Variants in SPATA13 observed in about 807,000 individuals in gnomAD.
SPATA13 encodes spermatogenesis-associated protein 13.
Under a neutral mutation model 104.0 loss-of-function variants are expected in SPATA13, and 50 were observed. The ratio of observed to expected loss-of-function variants is 0.48; its 90% CI spans 0.38 to 0.61. The LOEUF is 0.61. Ranked by LOEUF, SPATA13 falls within the 20% of genes least tolerant of loss-of-function variation. SPATA13 has a pLI of 0.00. For missense variants in SPATA13, 1,524 were observed against 1,690.6 expected, an observed-to-expected ratio of 0.90 and a Z score of 1.73; for synonymous variants, 606 against 667.5, an observed-to-expected ratio of 0.91 and a Z score of 1.42.
intron 1 of SPATA13, among the ~76,000 whole-genome samples, chr13:24,219,651 A>G (rs1029218715): frequency 6.6e-6 from 1 of 152,230 alleles, no homozygotes; most frequent in Non-Finnish European, 1.5e-5. Flanking sequence ...ATTTTGGTAA[A>G]AACAATTTGA....
At chr13:24,271,171 A>T (rs975205920) in intron 4 of SPATA13, among the ~76,000 whole-genome samples, 1 of 151,980 alleles carries the variant, frequency 6.6e-6, no homozygotes, top group African/African-American at 2.4e-5. Flanking sequence ...AGTTGAAGAA[A>T]TTGGTTTTGT....
At chr13:24,287,169 G>C (rs1157264793) in intron 7 of SPATA13, among the ~76,000 whole-genome samples, 1 of 152,036 alleles carries the variant, frequency 6.6e-6, no homozygotes, top group Non-Finnish European at 1.5e-5. Context: ...CAGAGACAAG[G>C]CTTTTCTTAG....
intron 1 of SPATA13, among the ~76,000 whole-genome samples, chr13:24,200,957 T>C (rs1297083983): frequency 6.6e-6 from 1 of 152,086 alleles, no homozygotes; most frequent in African/African-American, 2.4e-5. Context: ...TTCTTTTTTT[T>C]CCCCCTCACA....
At chr13:24,206,685 A>C (rs1427052046) in intron 1 of SPATA13, among the ~76,000 whole-genome samples, 2 of 152,196 alleles carry the variant, frequency 1.3e-5, no homozygotes, top group Non-Finnish European at 2.9e-5. Context: ...TGAGGTCAGG[A>C]GTTCAAGACC....
intron 3 of SPATA13, among the ~76,000 whole-genome samples, chr13:24,065,002 A>G (rs1878900719): frequency 1.2e-5 from 1 of 80,542 alleles, no homozygotes; most frequent in African/African-American, 3.8e-5. Context: ...AGGAGCCAGG[A>G]TAATGAAATG....
rs763390660 is a variant in SPATA13 at position 24,297,617 on chromosome 13, C to T, written c.3465C>T (p.Leu1155=). Residue 1155 remains leucine (L), a synonymous_variant, in exon 11 of 13, where the codon CTC becomes CTT. Coordinates refer to ENST00000382108, the MANE Select transcript of SPATA13 (RefSeq NM_001166271.3). The stretch of plus-strand genomic sequence containing the variant: ...TCAGCGTGAAAAATGCCTTCAAGCT[C>T]GTCAGTAGGACCACAGACGAGGTTT... The part of the protein sequence containing the change: ...CNLSVKNAFK[L]VSRTTDEVYL... 3.3e-5 allele frequency: 54 copies of T among 1,614,032 alleles called. No individual in the cohort carries two copies. Among genetic ancestry groups the T allele is most frequent in the East Asian group, 4.5e-5 (2 of 44,894 alleles).
intron 3 of SPATA13, among the ~76,000 whole-genome samples, chr13:24,021,747 T>C (rs969461773): frequency 1.3e-5 from 2 of 151,918 alleles, no homozygotes; most frequent in African/African-American, 4.8e-5. Context: ...AGTCTCACTC[T>C]GTCGCCCAGG....
rs535959930 is a variant in SPATA13 at position 24,099,422 on chromosome 13, G to A, written c.-112+81721G>A. 1.9e-3 allele frequency among the ~76,000 whole-genome samples: 284 copies of A among 152,342 alleles called. 1 individual carries two copies. The highest frequency in any genetic ancestry group is 6.4e-3 in the African/African-American group (267 of 41,574). ...ATCAAATAAAAATGTTAGTTCCTCAGTCTCAGTGGCCACATTCCAAGTCGT... is the reference window on the plus strand; with the variant it reads ...ATCAAATAAAAATGTTAGTTCCTCAATCTCAGTGGCCACATTCCAAGTCGT... On this transcript the variant is annotated intron_variant, in intron 3 of 14. Transcript: ENST00000424834.
intron 2 of SPATA13, among the ~76,000 whole-genome samples, chr13:23,994,535 G>A (rs1224622398): frequency 1.3e-5 from 2 of 152,200 alleles, no homozygotes; most frequent in Non-Finnish European, 2.9e-5. Context: ...TGCCTTTCAG[G>A]CCCTGGATGC....
rs1419748894 is a variant in SPATA13, at chr13:24,161,546, G to C, written c.-112+614G>C. On this transcript the variant is annotated intron_variant, in intron 1 of 12. Transcript: ENST00000382108. The surrounding 1 kb of genome is among the most constrained non-coding windows in gnomAD (Gnocchi z 4.5). ...TGGTTTGGTCCCATTCTGTGCAGGAGGTGGGGGAATTGGTACTCCAGCCCC... is the reference window on the plus strand; with the variant it reads ...TGGTTTGGTCCCATTCTGTGCAGGACGTGGGGGAATTGGTACTCCAGCCCC... Among the ~76,000 whole-genome samples the C allele has an allele frequency of 2.0e-5, 3 of 152,196 alleles. No individual in the cohort carries two copies. The highest frequency in any genetic ancestry group is 7.2e-5 in the African/African-American group (3 of 41,450).
intron 3 of SPATA13, among the ~76,000 whole-genome samples, chr13:24,085,559 G>A (rs1002489809): frequency 6.6e-6 from 1 of 152,194 alleles, no homozygotes. Flanking sequence ...GAGGACGTCC[G>A]AGGGACCCTA....
intron 4 of SPATA13, among the ~76,000 whole-genome samples, chr13:24,263,914 A>T (rs1004126777): frequency 2.0e-5 from 3 of 152,256 alleles, no homozygotes; most frequent in African/African-American, 7.2e-5. Flanking sequence ...GATTCCACAG[A>T]GTCCGAAGGA....
chr13:24,171,889 G>C (rs915753260), intron 1 of SPATA13, among the ~76,000 whole-genome samples: 1 of 152,164 alleles, frequency 6.6e-6, no homozygotes, highest in Non-Finnish European at 1.5e-5. Context: ...GTATATAATT[G>C]TATCAGCAAA....
chr13:24,011,977 G>C lies in SPATA13; in HGVS notation c.-146-5690G>C, dbSNP rs935024408. On this transcript the variant is annotated intron_variant, in intron 2 of 14. Coordinates refer to the SPATA13 transcript ENST00000424834. This position sits in a 1 kb window ranked among gnomAD's most constrained non-coding sequence, Gnocchi z 4.3. The stretch of plus-strand genomic sequence containing the variant: ...ACGGATTGTAAAACTCACAGGCACA[G>C]GGACCGGGGCTTGCCCACCACCCTA... Among the ~76,000 whole-genome samples the C allele has an allele frequency of 6.6e-6, 1 of 152,234 alleles. No homozygotes were observed. Among genetic ancestry groups the C allele is most frequent in the Non-Finnish European group, 1.5e-5 (1 of 68,038 alleles).
At chr13:24,066,318 C>T (rs1364606064) in intron 3 of SPATA13, among the ~76,000 whole-genome samples, 1 of 152,122 alleles carries the variant, frequency 6.6e-6, no homozygotes, top group East Asian at 1.9e-4. Context: ...TTCACCTGAC[C>T]CTCATCACAA....
Position 23,998,927 on chromosome 13 carries a change from G to GATTT in SPATA13, c.-147+14994_-147+14995insATTT, listed in dbSNP as rs144157914. 1.4e-4 allele frequency among the ~76,000 whole-genome samples: 20 copies of GATTT among 145,810 alleles called. 4 individuals are homozygous for GATTT. The highest frequency in any genetic ancestry group is 1.3e-4 in the Non-Finnish European group (9 of 66,880). On this transcript the variant is annotated intron_variant, in intron 2 of 14. Coordinates refer to the SPATA13 transcript ENST00000424834. ...AATTTTCCATCTTTTCACTAACTTT[G>GATTT]GTTTTTTTTTTTTTTTGAGATGGAG...
At chr13:24,217,729 CAA>C (rs1351161144) in intron 1 of SPATA13, among the ~76,000 whole-genome samples, 1 of 152,174 alleles carries the variant, frequency 6.6e-6, no homozygotes, top group Non-Finnish European at 1.5e-5. Flanking sequence ...GAGTGGTAAA[CAA>C]GAGGGCGTGT....
intron 3 of SPATA13, among the ~76,000 whole-genome samples, chr13:24,024,356 C>CGGATGGATGGAT (rs71070644): frequency 1.3e-5 from 2 of 150,878 alleles, no homozygotes; most frequent in African/African-American, 4.9e-5. Flanking sequence ...AATGGATGGA[C>CGGATGGATGGAT]GGATGGATGG....
At chr13:24,213,908 A>G (rs1446074123) in intron 1 of SPATA13, among the ~76,000 whole-genome samples, 1 of 152,250 alleles carries the variant, frequency 6.6e-6, no homozygotes, top group East Asian at 1.9e-4. Flanking sequence ...GGTATTTATT[A>G]TCTGAGTCAG....
Sources: allele counts gnomAD v4.1 joint callset (sites outside exome capture counted in the v4.1 genomes callset), GRCh38; gene constraint gnomAD v4.1.1; non-coding constraint Gnocchi (gnomAD v3.1); transcripts MANE v1.5; gene names NCBI Gene and HGNC (gene_info 2026-07-23, HGNC 2026-07-21).